Variants in GPC6 observed in about 807,000 individuals in gnomAD.
GPC6 encodes glypican 6.
A neutral mutation model predicts 55.2 loss-of-function variants in GPC6; 14 were observed. That is an observed-to-expected ratio of 0.25 (90% CI 0.17 to 0.40). GPC6 has a LOEUF of 0.40. Ranked by LOEUF, GPC6 falls within the 10% of genes least tolerant of loss-of-function variation. GPC6 has a pLI of 1.00. For synonymous variants in GPC6, 278 were observed against 259.6 expected, an observed-to-expected ratio of 1.07 and a Z score of -0.68; for missense variants, 641 against 708.5, an observed-to-expected ratio of 0.90 and a Z score of 1.08.
chr13:93,599,659 A>C (rs1750966271), intron 2 of GPC6, among the ~76,000 whole-genome samples: 1 of 152,206 alleles, frequency 6.6e-6, no homozygotes, highest in South Asian at 2.1e-4. Context: ...AGCCCCATGT[A>C]GTGAAGATAA....
chr13:93,861,261 T>A (rs983133227), intron 3 of GPC6, among the ~76,000 whole-genome samples: 5 of 151,522 alleles, frequency 3.3e-5, no homozygotes, highest in Non-Finnish European at 3.0e-5. Flanking sequence ...TCATGAAGAT[T>A]TGTTGAGCAC....
intron 6 of GPC6, among the ~76,000 whole-genome samples, chr13:94,350,241 T>G (rs1186076759): frequency 1.3e-5 from 2 of 152,070 alleles, no homozygotes; most frequent in Admixed American, 1.3e-4. Context: ...GGCAGAGTTT[T>G]TCAATCTTGG....
At chr13:93,468,825 G>A (rs1339347557) in intron 1 of GPC6, among the ~76,000 whole-genome samples, 6 of 152,184 alleles carry the variant, frequency 3.9e-5, no homozygotes, top group Non-Finnish European at 1.5e-5. Context: ...TAAAAGTTTG[G>A]CTTGATTGTT....
chr13:93,805,636 C>T (rs1336448053), intron 2 of GPC6, among the ~76,000 whole-genome samples: 1 of 152,026 alleles, frequency 6.6e-6, no homozygotes, highest in Admixed American at 6.6e-5. Flanking sequence ...AGTTTTTAGC[C>T]ACTGCTAATT....
intron 1 of GPC6, among the ~76,000 whole-genome samples, chr13:93,397,178 TA>T (rs1171731209): frequency 6.6e-6 from 1 of 152,204 alleles, no homozygotes; most frequent in African/African-American, 2.4e-5. Flanking sequence ...TATTTATATT[TA>T]AAAATATCCT....
In GPC6 at chr13:94,071,316, G is replaced by C. The variant is rs1012104653; in HGVS notation, c.877+43422G>C. On this transcript the variant is annotated intron_variant, in intron 4 of 8. Transcript: ENST00000377047. ...TATAACTTAGAATAAAGCATGTGGT[G>C]TATATTATAGTCTCTTTTAGGATGA... 1.3e-5 allele frequency among the ~76,000 whole-genome samples: 2 copies of C among 152,274 alleles called. 1 individual carries two copies. Among genetic ancestry groups the C allele is most frequent in the South Asian group, 4.1e-4 (2 of 4,822 alleles).
At chr13:94,097,673 G>A (rs1275554650) in intron 4 of GPC6, among the ~76,000 whole-genome samples, 7 of 152,086 alleles carry the variant, frequency 4.6e-5, no homozygotes, top group African/African-American at 1.2e-4. Context: ...TTTATCTTAC[G>A]TGTTTTTGTA....
intron 2 of GPC6, among the ~76,000 whole-genome samples, chr13:93,628,197 G>T (rs1266482426): frequency 6.6e-6 from 1 of 152,172 alleles, no homozygotes; most frequent in African/African-American, 2.4e-5. Context: ...CAATTTATTA[G>T]TTGTCTGTTC....
chr13:94,378,201 AAATAAT>A (rs530949186), intron 6 of GPC6, among the ~76,000 whole-genome samples: 5 of 151,724 alleles, frequency 3.3e-5, no homozygotes, highest in Admixed American at 6.6e-5. Flanking sequence ...TATAATAATA[AAATAAT>A]AATAATAATA....
chr13:93,672,515 G>C (rs1262951321), intron 2 of GPC6, among the ~76,000 whole-genome samples: 1 of 151,554 alleles, frequency 6.6e-6, no homozygotes, highest in African/African-American at 2.4e-5. Flanking sequence ...GTAAAAATTG[G>C]ATTTTTTTCT....
chr13:94,049,425 T>C (rs770313520), intron 4 of GPC6, among the ~76,000 whole-genome samples: 3 of 152,084 alleles, frequency 2.0e-5, no homozygotes, highest in Non-Finnish European at 4.4e-5. Flanking sequence ...AGATACACTG[T>C]GGTAATAACA....
chr13:93,297,998 C>T (rs982434563), intron 1 of GPC6, among the ~76,000 whole-genome samples: 1 of 152,142 alleles, frequency 6.6e-6, no homozygotes, highest in Non-Finnish European at 1.5e-5. Flanking sequence ...GTTAGGTTCA[C>T]CTAGACTAAT....
intron 1 of GPC6, among the ~76,000 whole-genome samples, chr13:93,281,524 A>G (rs756245614): frequency 1.3e-5 from 2 of 152,202 alleles, no homozygotes; most frequent in African/African-American, 2.4e-5. Context: ...ACTTTAAATG[A>G]AAAGAATGGC....
intron 2 of GPC6, among the ~76,000 whole-genome samples, chr13:93,614,397 T>C (rs774224990): frequency 5.3e-5 from 8 of 152,142 alleles, no homozygotes; most frequent in Non-Finnish European, 1.2e-4. Context: ...TTTACAGATG[T>C]CTAGGTGCAG....
At chr13:93,283,422 C>T (rs4142598) in intron 1 of GPC6, among the ~76,000 whole-genome samples, 68,849 of 152,038 alleles carry the variant, frequency 0.45, 17,610 homozygotes, top group African/African-American at 0.7. Context: ...TGAGCTACTA[C>T]GGGCTGCTAT....
chr13:93,864,563 T>C (rs1414942645), intron 3 of GPC6, among the ~76,000 whole-genome samples: 2 of 151,742 alleles, frequency 1.3e-5, no homozygotes, highest in Non-Finnish European at 2.9e-5. Context: ...TTATTTCTTT[T>C]GCACTCCAGA....
intron 4 of GPC6, among the ~76,000 whole-genome samples, chr13:94,201,646 C>A (rs1889753502): frequency 6.6e-6 from 1 of 152,078 alleles, no homozygotes; most frequent in Non-Finnish European, 1.5e-5. Flanking sequence ...TCAATAAAAT[C>A]ATCATTAAGA....
intron 3 of GPC6, among the ~76,000 whole-genome samples, chr13:93,906,982 T>C (rs538225952): frequency 8.5e-5 from 13 of 152,184 alleles, no homozygotes; most frequent in Non-Finnish European, 1.6e-4. Context: ...TTCAAAGATG[T>C]AAACATGTGG....
chr13:93,774,924 C>T lies in GPC6; in HGVS notation c.320-55230C>T, dbSNP rs548513302. Among the ~76,000 whole-genome samples the T allele has an allele frequency of 2.6e-5, 4 of 152,104 alleles. No individual in the cohort carries two copies. In the South Asian group the frequency reaches 8.3e-4, roughly 32 times the overall value. ...AGTCTTCTTTTACCAGAGAGCTCAG[C>T]CAAGGCCCCTGGGAGGAGATGCCAT... On this transcript the variant is annotated intron_variant, in intron 2 of 8. Transcript: ENST00000377047.
Sources: gnomAD v4.1 joint callset for allele counts (sites outside exome capture counted in the v4.1 genomes callset) on GRCh38, gnomAD v4.1.1 for gene constraint, MANE v1.5 for transcripts, NCBI Gene and HGNC (gene_info 2026-07-23, HGNC 2026-07-21) for gene names.